MMP26: variants seen among roughly 807,000 people sequenced by gnomAD.
MMP26 encodes matrix metalloproteinase-26.
In MMP26, 33 loss-of-function variants were observed where a neutral mutation model predicts 31.0. That is an observed-to-expected ratio of 1.06 (90% confidence interval 0.81 to 1.42). MMP26 has a LOEUF of 1.42. MMP26 is among the 40% of genes most tolerant of loss of function. The pLI, the probability that MMP26 is intolerant of heterozygous loss-of-function variation, is 0.00. For missense variants in MMP26, 347 were observed against 316.1 expected (o/e 1.10, Z -0.74); for synonymous variants, 122 against 114.9 (o/e 1.06, Z -0.40).
At chr11:4,794,999 G>A (rs1201829374) in intron 2 of MMP26, 1 of 152,198 alleles carries the variant, frequency 6.6e-6, no homozygotes, top group Admixed American at 6.5e-5. Flanking sequence ...TGACCAACAT[G>A]GGAGAGAGTA....
intron 2 of MMP26, among the ~76,000 whole-genome samples, chr11:4,811,413 T>C (rs2133461689): frequency 6.6e-6 from 1 of 152,316 alleles, no homozygotes; most frequent in South Asian, 2.1e-4. Context: ...TGTCCATGTG[T>C]ACACAATGTT....
intron 2 of MMP26, among the ~76,000 whole-genome samples, chr11:4,958,169 A>G (rs1321300837): frequency 6.6e-6 from 1 of 152,198 alleles, no homozygotes; most frequent in African/African-American, 2.4e-5. Flanking sequence ...AAGTCACAGC[A>G]GCTGGCACCT....
intron 2 of MMP26, among the ~76,000 whole-genome samples, chr11:4,986,693 G>A (rs914414048): frequency 1.3e-5 from 2 of 150,898 alleles, no homozygotes; most frequent in East Asian, 1.9e-4. Flanking sequence ...ACCATGCTGG[G>A]CTAATTTTTT....
At chr11:4,762,125 T>A (rs775151684) in intron 1 of MMP26, among the ~76,000 whole-genome samples, 6 of 152,220 alleles carry the variant, frequency 3.9e-5, no homozygotes, top group Non-Finnish European at 5.9e-5. Context: ...CAATATTTAC[T>A]TGATAAGTAC....
chr11:4,714,920 T>TCTCTCTCACA (rs376354906), intron 1 of MMP26, among the ~76,000 whole-genome samples: 6 of 141,784 alleles, frequency 4.2e-5, no homozygotes, highest in Non-Finnish European at 6.1e-5. Flanking sequence ...TCTCTCTCTC[T>TCTCTCTCACA]CACACACACA....
At chr11:4,988,503 C>T (rs1250272165) in intron 3 of MMP26, among the ~76,000 whole-genome samples, 193 bp downstream of exon 3, 1 of 151,736 alleles carries the variant, frequency 6.6e-6, no homozygotes, top group Non-Finnish European at 1.5e-5. Context: ...TTTTTGTAGC[C>T]CCTAAAAGTG....
chr11:4,717,865 C>T (rs1329276308), intron 1 of MMP26, among the ~76,000 whole-genome samples: 1 of 152,128 alleles, frequency 6.6e-6, no homozygotes, highest in Non-Finnish European at 1.5e-5. Flanking sequence ...TAACATGCAG[C>T]TGTAAAAAAC....
intron 2 of MMP26, among the ~76,000 whole-genome samples, chr11:4,833,340 G>A (rs1296924138): frequency 6.6e-6 from 1 of 152,116 alleles, no homozygotes; most frequent in East Asian, 1.9e-4. Context: ...TCTCAGACAC[G>A]AGAAGGAAGA....
intron 2 of MMP26, among the ~76,000 whole-genome samples, chr11:4,927,947 T>C (rs1165366658): frequency 6.6e-6 from 1 of 152,058 alleles, no homozygotes; most frequent in Non-Finnish European, 1.5e-5. Context: ...TAAATGATAC[T>C]TTCAAGATGT....
chr11:4,944,096 A>G (rs993573524), intron 2 of MMP26: 16 of 454,994 alleles, frequency 3.5e-5, no homozygotes, highest in Non-Finnish European at 7.1e-5. Flanking sequence ...CCAAACCCAT[A>G]TCTGTATTTG....
At chr11:4,756,652 G>C (rs1006673152) in intron 1 of MMP26, 1 of 152,160 alleles carries the variant, frequency 6.6e-6, no homozygotes, top group African/African-American at 2.4e-5. Context: ...GAGATTGCAC[G>C]TTGTTGGAGC....
At chr11:4,877,378 C>G (rs897236201) in intron 2 of MMP26, 1 of 152,396 alleles carries the variant, frequency 6.6e-6, no homozygotes, top group African/African-American at 2.4e-5. Flanking sequence ...ACCACTAATA[C>G]ACACATTCAT....
chr11:4,794,012 T>C (rs750901655), intron 2 of MMP26: 2 of 152,154 alleles, frequency 1.3e-5, no homozygotes, highest in Admixed American at 6.5e-5. Context: ...TGGGCAGAGA[T>C]TCTCTGCAGG....
chr11:4,742,804 A>G (rs1252769739), intron 1 of MMP26, among the ~76,000 whole-genome samples: 1 of 152,230 alleles, frequency 6.6e-6, no homozygotes, highest in Non-Finnish European at 1.5e-5. Flanking sequence ...AAGGTAGTTG[A>G]AACCTACCAT....
At chr11:4,881,688 A>C in intron 2 of MMP26, 1 of 548,592 alleles carries the variant, frequency 1.8e-6, no homozygotes. Context: ...TGGAGTTAGT[A>C]AATTTGGTTT....
chr11:4,873,629 T>A (rs1850339351), intron 2 of MMP26, among the ~76,000 whole-genome samples: 1 of 152,014 alleles, frequency 6.6e-6, no homozygotes, highest in African/African-American at 2.4e-5. Context: ...TCATGACAAA[T>A]CTTTTGAGAG....
intron 2 of MMP26, among the ~76,000 whole-genome samples, chr11:4,971,257 T>A (rs1846662138): frequency 6.6e-6 from 1 of 152,156 alleles, no homozygotes. Flanking sequence ...AGTTTCTGCT[T>A]ACCTGGGATT....
intron 2 of MMP26, among the ~76,000 whole-genome samples, chr11:4,898,218 T>C (rs117931449): frequency 6.6e-6 from 1 of 152,236 alleles, no homozygotes; most frequent in East Asian, 1.9e-4. Context: ...ATTTTTTTCT[T>C]AGTACTTTCA....
intron 2 of MMP26, among the ~76,000 whole-genome samples, chr11:4,791,316 A>G (rs1204548219): frequency 6.6e-6 from 1 of 152,198 alleles, no homozygotes; most frequent in African/African-American, 2.4e-5. Context: ...GATTCCAATA[A>G]GACTGCTGAT....
Sources: allele counts gnomAD v4.1 joint callset (sites outside exome capture counted in the v4.1 genomes callset), GRCh38; gene constraint gnomAD v4.1.1; transcripts MANE v1.5; gene names NCBI Gene and HGNC (gene_info 2026-07-23, HGNC 2026-07-21).